Variants in INPP5B observed in about 807,000 individuals in gnomAD.
INPP5B encodes inositol polyphosphate-5-phosphatase B, also known as type II inositol 1,4,5-trisphosphate 5-phosphatase.
INPP5B carries 90 observed loss-of-function variants against 118.5 expected under a neutral mutation model. The observed-to-expected ratio is 0.76, with a 90% CI of 0.64 to 0.90. The LOEUF (loss-of-function observed/expected upper bound fraction) is 0.90. Among genes scored for constraint, INPP5B ranks in the 40% least tolerant of loss-of-function variants. The pLI, the probability that INPP5B is intolerant of heterozygous loss-of-function variation, is 0.00. For missense variants in INPP5B, 984 were observed against 1,125.6 expected (o/e 0.87, Z 1.80); for synonymous variants, 385 against 418.9 (o/e 0.92, Z 0.99).
rs140327568 is a variant in INPP5B, at chr1:37,932,020, A to T, written c.425T>A (p.Leu142Gln). The part of the protein sequence containing the change: ...FDSATRDPEF[L>Q]WLSRYRCAEL... ...TGCGCACCTATACCGAGACAGCCAC[A>T]GGAATTCAGGATCCCGGGTCGCAGA... Residue 142 changes from leucine (L) to glutamine (Q), a missense_variant, in exon 7 of 24, where the codon CTG (leucine) becomes CAG (glutamine). Physicochemically the swap from Leu to Gln is moderately radical, Grantham distance 113. Coordinates refer to ENST00000373024, the MANE Select transcript of INPP5B (RefSeq NM_005540.3). 1.2e-6 allele frequency: 2 copies of T among 1,603,674 alleles called. No homozygotes were observed. The highest frequency in any genetic ancestry group is 1.7e-6 in the Non-Finnish European group (2 of 1,173,478).
intron 7 of INPP5B, among the ~76,000 whole-genome samples, chr1:37,926,291 G>A (rs935604889): frequency 7.6e-6 from 1 of 132,400 alleles, no homozygotes; most frequent in Non-Finnish European, 1.7e-5. Context: ...TACAAAGCTG[G>A]TTCATTTCTT....
At position 37,875,657 on chromosome 1, in the gene INPP5B, C is replaced by T; in HGVS notation, c.1737G>A (p.Leu579=). 6.2e-7 allele frequency: 1 copy of T among 1,614,168 alleles called. No homozygotes were observed. Among genetic ancestry groups the T allele is most frequent in the Non-Finnish European group, 8.5e-7 (1 of 1,180,014 alleles). The change falls in exon 17 of 24, where the codon CTG becomes CTA. Residue 579 remains leucine (L), a synonymous_variant. Coordinates refer to ENST00000373024, the MANE Select transcript of INPP5B (RefSeq NM_005540.3). ...RKTLEEIVRS[L]DKMENANIPS... ...GAATGTTGGCATTTTCCATCTTATCCAGGGAGCGAACAATTTCCTCCAGTG... is the reference window on the plus strand; with the variant it reads ...GAATGTTGGCATTTTCCATCTTATCTAGGGAGCGAACAATTTCCTCCAGTG...
At chr1:37,927,079 G>A (rs1199410365) in intron 7 of INPP5B, among the ~76,000 whole-genome samples, 1 of 152,172 alleles carries the variant, frequency 6.6e-6, no homozygotes, top group Non-Finnish European at 1.5e-5. Context: ...ACAAGGTCAG[G>A]AGATGGAGAC....
intron 8 of INPP5B, among the ~76,000 whole-genome samples, chr1:37,890,102 T>C (rs954389775): frequency 2.6e-5 from 4 of 152,166 alleles, no homozygotes; most frequent in Admixed American, 6.5e-5. Flanking sequence ...AAGCCGGGCA[T>C]GGTGACTCAT....
chr1:37,915,532 G>C (rs1366424978), intron 7 of INPP5B, among the ~76,000 whole-genome samples: 1 of 152,168 alleles, frequency 6.6e-6, no homozygotes, highest in East Asian at 1.9e-4. Context: ...GCTGATAAGG[G>C]ATTGAGGATG....
intron 6 of INPP5B, 74 bp downstream of exon 6, chr1:37,940,614 G>A (rs1025285890): frequency 5.6e-5 from 47 of 840,866 alleles, no homozygotes; most frequent in Non-Finnish European, 1.2e-5. Flanking sequence ...TCCAAAGGGT[G>A]GAGAGTCAAC....
intron 6 of INPP5B, among the ~76,000 whole-genome samples, chr1:37,936,237 G>A (rs1645684321): frequency 6.6e-6 from 1 of 152,004 alleles, no homozygotes; most frequent in South Asian, 2.1e-4. Flanking sequence ...CCCACCAAAG[G>A]TCCTGCCCTT....
intron 12 of INPP5B, 82 bp from the exon 13 acceptor site, chr1:37,885,907 C>T (rs1214968417): frequency 1.2e-5 from 16 of 1,286,696 alleles, no homozygotes; most frequent in East Asian, 7.0e-5. Flanking sequence ...TGGCCGGGCA[C>T]GGTGGCTCAC....
chr1:37,939,518 T>C (rs575564846), intron 6 of INPP5B, among the ~76,000 whole-genome samples: 15 of 149,962 alleles, frequency 1.0e-4, no homozygotes, highest in South Asian at 2.2e-4. Context: ...AATCTCGGCT[T>C]ACTGCAAGCT....
Position 37,881,769 on chromosome 1 carries a change from A to G in INPP5B, c.1431+1038T>C, listed in dbSNP as rs181770667. Among the ~76,000 whole-genome samples, 94 of 152,280 alleles carry G rather than the reference A, an allele frequency of 6.2e-4. 2 individuals carry two copies. The highest frequency in any genetic ancestry group is 1.0e-3 in the Non-Finnish European group (71 of 68,020). ...AACAGAGAAAGACATAACTAAGTTG[A>G]GAATCTTTTTCTTTAATTAATCTGC... On this transcript the variant is annotated intron_variant, in intron 14 of 23. Transcript: ENST00000373024.
rs200195945 is a variant in INPP5B at position 37,931,943 on chromosome 1, T to A, written c.502A>T (p.Thr168Ser). ...CCAATTGTCGCGTACCCTGGCCAGG[T>A]AACTAGGGCCGAGTTACAACCGCGC... ...TPRGCNSALV[T>S]WPGYATIGGG... Residue 168 changes from threonine to serine, a missense_variant, in exon 7 of 24, where the codon ACC becomes TCC. By Grantham distance (58) the Thr-to-Ser change is moderately conservative. Around this residue, in one of 2 missense-constraint regions of INPP5B, gnomAD observed 350 missense variants for 334.6 expected, o/e 1.05. Transcript: ENST00000373024. The A allele has an allele frequency of 6.2e-7, 1 of 1,614,030 alleles. No individual in the cohort carries two copies. Among genetic ancestry groups the A allele is most frequent in the Non-Finnish European group, 8.5e-7 (1 of 1,180,030 alleles).
At chr1:37,863,689 GCACACACACA>G (rs377183227) in intron 23 of INPP5B, among the ~76,000 whole-genome samples, 2 of 148,550 alleles carry the variant, frequency 1.3e-5, no homozygotes, top group East Asian at 3.9e-4. Context: ...ACTTTCTCAA[GCACACACACA>G]CACACACATG....
chr1:37,896,971 G>A (rs1222476580), intron 7 of INPP5B, among the ~76,000 whole-genome samples: 4 of 117,580 alleles, frequency 3.4e-5, no homozygotes, highest in Non-Finnish European at 6.0e-5. Context: ...CGCCCCGTCC[G>A]GGAGGGAGGT....
chr1:37,868,471 A>G (rs1346516135), intron 20 of INPP5B, 30 bp downstream of exon 20: 1 of 1,483,708 alleles, frequency 6.7e-7, no homozygotes, highest in Non-Finnish European at 9.4e-7. Context: ...CCTGGCCTCA[A>G]TCAGGTCTGA....
intron 7 of INPP5B, among the ~76,000 whole-genome samples, chr1:37,913,875 CA>C (rs1451296359): frequency 6.6e-6 from 1 of 152,178 alleles, no homozygotes; most frequent in East Asian, 1.9e-4. Context: ...TGAAGATCCA[CA>C]AAAGAACTGA....
rs540209928 is a variant in INPP5B, at chr1:37,932,035, C to G, written c.410G>C (p.Arg137Pro). 1 of 1,599,766 alleles carries G rather than the reference C, an allele frequency of 6.3e-7. No homozygotes were observed. The highest frequency in any genetic ancestry group is 1.1e-5 in the South Asian group (1 of 90,604). ...RACPGFDSAT[R>P]DPEFLWLSRY... Reference sequence around the variant, plus strand: ...AGACAGCCACAGGAATTCAGGATCCCGGGTCGCAGAATCGAAGCCTGTGCA... The same window carrying G: ...AGACAGCCACAGGAATTCAGGATCCGGGGTCGCAGAATCGAAGCCTGTGCA... Residue 137 changes from arginine to proline, a missense_variant, in exon 7 of 24, where the codon CGG becomes CCG. This residue lies in a region of INPP5B where 350 missense variants were observed against 334.6 expected (regional missense o/e 1.05). Coordinates refer to ENST00000373024, the MANE Select transcript of INPP5B (RefSeq NM_005540.3).
Position 37,861,710 on chromosome 1 carries a change from A to G in INPP5B, c.*605T>C, listed in dbSNP as rs1169750772. The G allele has an allele frequency of 6.6e-6, 1 of 151,250 alleles. No individual in the cohort carries two copies. The highest frequency in any genetic ancestry group is 1.5e-5 in the Non-Finnish European group (1 of 68,438). 9.4% of individuals were successfully genotyped at this position (151,250 alleles called of 1,614,324 possible). ...ACGCCAACGCACTCCAGCCTGGGCAACAAGAGTGAAACTCCATCTCAAAAA... is the reference window on the plus strand; with the variant it reads ...ACGCCAACGCACTCCAGCCTGGGCAGCAAGAGTGAAACTCCATCTCAAAAA... On this transcript the variant is annotated 3_prime_UTR_variant, in exon 24 of 24. Transcript: ENST00000373024.
At chr1:37,946,721 T>C (rs1490749055) in intron 1 of INPP5B, among the ~76,000 whole-genome samples, 2 of 152,070 alleles carry the variant, frequency 1.3e-5, no homozygotes, top group African/African-American at 4.8e-5. Context: ...CTAGCGCCTC[T>C]CTGGGAGGTG....
At chr1:37,944,145 T>C (rs761226986) in intron 3 of INPP5B, among the ~76,000 whole-genome samples, 3 of 152,098 alleles carry the variant, frequency 2.0e-5, no homozygotes, top group Non-Finnish European at 2.9e-5. Context: ...CACAAACACA[T>C]GTTTGATCTA....
Sources: gnomAD v4.1 joint callset for allele counts (sites outside exome capture counted in the v4.1 genomes callset) on GRCh38, gnomAD v4.1.1 for gene constraint, gnomAD v4.1.1 regional missense constraint, MANE v1.5 for transcripts, NCBI Gene and HGNC (gene_info 2026-07-23, HGNC 2026-07-21) for gene names.